Variants in SPOCK3 observed in about 807,000 individuals in gnomAD.
The protein encoded by SPOCK3 is SPARC (osteonectin), cwcv and kazal like domains proteoglycan 3.
A neutral mutation model predicts 56.6 loss-of-function variants in SPOCK3; 30 were observed. The ratio of observed to expected loss-of-function variants is 0.53; its 90% CI spans 0.40 to 0.72. The LOEUF (loss-of-function observed/expected upper bound fraction) is 0.72. Ranked by LOEUF, SPOCK3 falls within the 30% of genes least tolerant of loss-of-function variation. SPOCK3 has a pLI of 0.00. For synonymous variants in SPOCK3, 196 were observed against 183.3 expected (o/e 1.07, Z -0.56); for missense variants, 527 against 530.0 (o/e 0.99, Z 0.06).
chr4:167,216,135 C>G (rs1032569998), intron 2 of SPOCK3, among the ~76,000 whole-genome samples: 1 of 152,038 alleles, frequency 6.6e-6, no homozygotes. Flanking sequence ...GTATATGTTA[C>G]AATATTTGAA....
chr4:167,015,795 C>A (rs77656563), intron 3 of SPOCK3, among the ~76,000 whole-genome samples: 1 of 152,034 alleles, frequency 6.6e-6, no homozygotes, highest in African/African-American at 2.4e-5. Context: ...CACTCATAGC[C>A]CTTTCGGTAA....
chr4:167,221,303 C>T (rs1418352327), intron 2 of SPOCK3, among the ~76,000 whole-genome samples: 3 of 151,912 alleles, frequency 2.0e-5, no homozygotes, highest in South Asian at 4.1e-4. Flanking sequence ...AGGAGTTTCC[C>T]GCTGCAGTGA....
intron 2 of SPOCK3, among the ~76,000 whole-genome samples, chr4:167,086,865 A>G (rs1206247368): frequency 1.3e-5 from 2 of 152,114 alleles, no homozygotes; most frequent in Non-Finnish European, 2.9e-5. Context: ...TCATTGAATT[A>G]ATGAGATTAC....
chr4:167,178,666 T>C (rs965948127), intron 2 of SPOCK3, among the ~76,000 whole-genome samples: 1 of 152,108 alleles, frequency 6.6e-6, no homozygotes, highest in Non-Finnish European at 1.5e-5. Context: ...TTTCAATAAC[T>C]TTTTAGTTTT....
At chr4:166,850,897 GC>G (rs1021118442) in intron 6 of SPOCK3, among the ~76,000 whole-genome samples, 6 of 152,340 alleles carry the variant, frequency 3.9e-5, no homozygotes, top group African/African-American at 1.4e-4. Context: ...GGGGAGGGGT[GC>G]CCACCATTGC....
intron 7 of SPOCK3, among the ~76,000 whole-genome samples, chr4:166,763,823 G>C (rs115780769): frequency 0.011 from 1,630 of 152,222 alleles, 19 homozygotes; most frequent in Non-Finnish European, 0.012. Flanking sequence ...TGGTATTGCT[G>C]CTGTAATAGA....
intron 7 of SPOCK3, among the ~76,000 whole-genome samples, chr4:166,778,101 T>A (rs1299494746): frequency 6.6e-6 from 1 of 152,170 alleles, no homozygotes; most frequent in Non-Finnish European, 1.5e-5. Context: ...ATGTCATATT[T>A]TGTAAGAATT....
intron 2 of SPOCK3, among the ~76,000 whole-genome samples, chr4:167,219,074 A>G (rs952024954): frequency 3.9e-5 from 6 of 152,168 alleles, no homozygotes; most frequent in East Asian, 1.9e-4. Flanking sequence ...CTCAGGTAAT[A>G]CTAGGTTAAT....
chr4:167,017,123 G>A (rs1296818903), intron 3 of SPOCK3, among the ~76,000 whole-genome samples: 1 of 152,064 alleles, frequency 6.6e-6, no homozygotes, highest in Non-Finnish European at 1.5e-5. Context: ...TTGAACCTGG[G>A]TTCCCATTTC....
chr4:167,204,738 T>C (rs570604080), intron 2 of SPOCK3, among the ~76,000 whole-genome samples: 1 of 152,068 alleles, frequency 6.6e-6, no homozygotes, highest in Non-Finnish European at 1.5e-5. Context: ...AAAAATCATC[T>C]TCTAACCTTT....
At position 166,746,977 on chromosome 4, in the gene SPOCK3, T is replaced by C. The variant is rs182402818; in HGVS notation, c.932-4918A>G. Among the ~76,000 whole-genome samples the C allele has an allele frequency of 3.3e-3, 496 of 152,226 alleles. 3 individuals carry two copies. Among genetic ancestry groups the C allele is most frequent in the African/African-American group, 0.011 (455 of 41,518 alleles). On this transcript the variant is annotated intron_variant, in intron 8 of 10. Coordinates refer to ENST00000357545, the MANE Select transcript of SPOCK3 (RefSeq NM_001040159.2). Reference sequence around the variant, plus strand: ...AATAGACCAATAACAGACTCTGAAATTGAGGCAATAATTAAGAGCCTACCA... The same window carrying C: ...AATAGACCAATAACAGACTCTGAAACTGAGGCAATAATTAAGAGCCTACCA...
chr4:166,779,537 T>A (rs866523141), intron 7 of SPOCK3, among the ~76,000 whole-genome samples: 1 of 150,906 alleles, frequency 6.6e-6, no homozygotes, highest in African/African-American at 2.4e-5. Flanking sequence ...AAGGAAAAGG[T>A]AAGTAAACAT....
At chr4:167,205,320 AT>A (rs1467201382) in intron 2 of SPOCK3, among the ~76,000 whole-genome samples, 7 of 51,956 alleles carry the variant, frequency 1.3e-4, no homozygotes, top group African/African-American at 5.6e-4. Flanking sequence ...TATATTTTAT[AT>A]ATATAATATA....
At chr4:166,772,676 G>A (rs1739084862) in intron 7 of SPOCK3, among the ~76,000 whole-genome samples, 1 of 152,140 alleles carries the variant, frequency 6.6e-6, no homozygotes, top group Non-Finnish European at 1.5e-5. Context: ...TACTTGAAAT[G>A]AACTTTTAAA....
rs4859999 is a variant in SPOCK3, at chr4:166,866,474, T to G, written c.589+22656A>C. ...AGAGCTTCTGCACAGCAAAAGAAAC[T>G]ATCATCAGAGTGAACAGGCAAACTT... is the stretch of plus-strand genomic sequence containing the variant. On this transcript the variant is annotated intron_variant, in intron 6 of 10. Coordinates refer to ENST00000357545, the MANE Select transcript of SPOCK3 (RefSeq NM_001040159.2). Among the ~76,000 whole-genome samples, 448 of 152,236 alleles carry G rather than the reference T, an allele frequency of 2.9e-3. 8 individuals are homozygous for G. Among genetic ancestry groups the G allele is most frequent in the Admixed American group, 0.027 (414 of 15,272 alleles).
intron 4 of SPOCK3, among the ~76,000 whole-genome samples, chr4:166,998,794 A>G (rs1287020830): frequency 1.3e-5 from 2 of 152,086 alleles, no homozygotes; most frequent in Non-Finnish European, 2.9e-5. Context: ...ATGGGAGATA[A>G]ACTGACTTAG....
chr4:167,031,460 CA>C (rs758696837), intron 3 of SPOCK3, among the ~76,000 whole-genome samples: 2 of 151,950 alleles, frequency 1.3e-5, no homozygotes, highest in Non-Finnish European at 2.9e-5. Flanking sequence ...TTACTGTGAT[CA>C]AATTATTTAA....
chr4:166,735,079 CA>C lies in SPOCK3; in HGVS notation c.1143del (p.Phe381LeufsTer26). On this transcript the variant is annotated frameshift_variant, in exon 11 of 11. Coordinates refer to ENST00000357545, the MANE Select transcript of SPOCK3 (RefSeq NM_001040159.2). LOFTEE classifies it high-confidence loss of function. ...INGVADCAIDFEISGDFASGD... is the reference protein window; with the variant it reads ...INGVADCAIDXEISGDFASGD... ...CCACTAGCAAAATCTCCGGAGATCT[CA>C]AAATCTATAGCTTAAAACAAGTGAA... The C allele has an allele frequency of 2.5e-6, 4 of 1,601,476 alleles. No homozygotes were observed. Among genetic ancestry groups the C allele is most frequent in the Admixed American group, 1.7e-5 (1 of 58,920 alleles).
Position 166,764,624 on chromosome 4 carries a change from A to G in SPOCK3, c.710-9895T>C, listed in dbSNP as rs891273866. Among the ~76,000 whole-genome samples the G allele has an allele frequency of 6.6e-5, 10 of 152,050 alleles. 1 individual carries two copies. Among genetic ancestry groups the G allele is most frequent in the Admixed American group, 2.6e-4 (4 of 15,252 alleles). The stretch of plus-strand genomic sequence containing the variant: ...TTTGGGTTGGTTCCAAGTCTTTGCT[A>G]TTGTGAATAGTGCTGCAATAAACAT... On this transcript the variant is annotated intron_variant, in intron 7 of 10. Transcript: ENST00000357545.
Sources: allele counts gnomAD v4.1 joint callset (sites outside exome capture counted in the v4.1 genomes callset), GRCh38; gene constraint gnomAD v4.1.1; transcripts MANE v1.5; gene names NCBI Gene and HGNC (gene_info 2026-07-23, HGNC 2026-07-21).